The following CYP27C1 variants were observed in gnomAD, a reference collection of about 807,000 sequenced individuals.
CYP27C1 encodes the protein cytochrome P450 27C1.
In CYP27C1, 29 loss-of-function variants were observed where a neutral mutation model predicts 40.6. That is an observed-to-expected ratio of 0.71 (90% CI 0.53 to 0.97). CYP27C1 has a LOEUF of 0.97. CYP27C1 is among the 50% of genes least tolerant of loss of function. The pLI, the probability that CYP27C1 is intolerant of heterozygous loss-of-function variation, is 0.00. For synonymous variants in CYP27C1, 198 were observed against 186.8 expected (o/e 1.06, Z -0.49); for missense variants, 390 against 485.8 (o/e 0.80, Z 1.85).
rs1450670314 is a variant in CYP27C1 at position 127,219,003 on chromosome 2, C to A, written c.282+986G>T. On this transcript the variant is annotated intron_variant, in intron 1 of 8. Transcript: ENST00000664447. The surrounding 1 kb of genome is among the most constrained non-coding windows in gnomAD (Gnocchi z 8.7). The stretch of plus-strand genomic sequence containing the variant: ...CAACGCCCTAGCGGGTGGCTGGGAC[C>A]CCTGGGTTCCTCCCACGTCCCTGCC... Among the ~76,000 whole-genome samples the A allele has an allele frequency of 6.6e-6, 1 of 152,110 alleles. No individual in the cohort carries two copies. The highest frequency in any genetic ancestry group is 1.5e-5 in the Non-Finnish European group (1 of 67,986).
chr2:127,213,307 G>GA (rs58980874), intron 1 of CYP27C1, among the ~76,000 whole-genome samples: 73,743 of 143,030 alleles, frequency 0.52, 18,375 homozygotes, highest in East Asian at 0.67. Flanking sequence ...CACAGAATTA[G>GA]AAAAAAAAAA....
chr2:127,220,230 G>C lies in CYP27C1; in HGVS notation c.41C>G (p.Pro14Arg), dbSNP rs1316570065. The stretch of plus-strand genomic sequence containing the variant: ...CAGGAGCCCACCCCGCTCGGGCGCC[G>C]GCCGCAGCCCGGCTCTCAGGATCCG... ...LARILRAGLRPAPERGGLLGG... is the reference protein window; with the variant it reads ...LARILRAGLRRAPERGGLLGG... Residue 14 changes from proline to arginine, a missense_variant, in exon 1 of 9, where the codon CCG becomes CGG. Transcript: ENST00000664447. This position sits in a 1 kb window ranked among gnomAD's most constrained non-coding sequence, Gnocchi z 4.6. Among the ~76,000 whole-genome samples, 2 of 151,274 alleles carry C rather than the reference G, an allele frequency of 1.3e-5. No individual in the cohort carries two copies. Among genetic ancestry groups the C allele is most frequent in the African/African-American group, 4.8e-5 (2 of 41,326 alleles).
At position 127,193,861 on chromosome 2, in the gene CYP27C1, A is replaced by G. The variant is rs1389881990; in HGVS notation, c.1221T>C (p.Phe407=). 1.9e-6 allele frequency: 3 copies of G among 1,614,066 alleles called. No homozygotes were observed. Among genetic ancestry groups the G allele is most frequent in the Non-Finnish European group, 2.5e-6 (3 of 1,180,034 alleles). ...RALLKETLRL[F]PVLPGNGRVT... is the part of the protein sequence containing the mutation. Reference sequence around the variant, plus strand: ...CCCGGCCGTTCCCTGGCAGCACTGGAAACAGCCTGGAAAAGAGCCAGCGGG... The same window carrying G: ...CCCGGCCGTTCCCTGGCAGCACTGGGAACAGCCTGGAAAAGAGCCAGCGGG... The change falls in exon 7 of 9, where the codon TTT becomes TTC. Residue 407 remains phenylalanine (F), a synonymous_variant. Coordinates refer to ENST00000664447, the MANE Select transcript of CYP27C1 (RefSeq NM_001367502.1).
chr2:127,205,861 C>A, intron 2 of CYP27C1, 39 bp downstream of exon 2: 1 of 613,714 alleles, frequency 1.6e-6, no homozygotes, highest in Non-Finnish European at 2.0e-6. Context: ...CCTGAGCTCC[C>A]CCTCCAGCCC....
chr2:127,203,562 T>C lies in CYP27C1; in HGVS notation c.483A>G (p.Glu161=). The change falls in exon 3 of 9, where the codon GAA becomes GAG. Residue 161 remains glutamate, a synonymous_variant. Coordinates refer to ENST00000664447, the MANE Select transcript of CYP27C1 (RefSeq NM_001367502.1). ...ATACGCTTCTCATCTTGAGCCACTG[T>C]TCACCCTCCCTAGAAGAATCAAGTG... ...RATGLISAEG[E]QWLKMRSVLR... 3 of 1,613,450 alleles carry C rather than the reference T, an allele frequency of 1.9e-6. No individual in the cohort carries two copies. Among genetic ancestry groups the C allele is most frequent in the Non-Finnish European group, 2.5e-6 (3 of 1,179,888 alleles).
In CYP27C1 at chr2:127,218,092, T is replaced by A. The variant is rs1194943369; in HGVS notation, c.282+1897A>T. On this transcript the variant is annotated intron_variant, in intron 1 of 8. Coordinates refer to ENST00000664447, the MANE Select transcript of CYP27C1 (RefSeq NM_001367502.1). The surrounding 1 kb of genome is among the most constrained non-coding windows in gnomAD (Gnocchi z 6.0). ...CTGCTCCGTGCCCCAGGGCCCTGGG[T>A]GTGGTGAAGGAAGCTGTCTGAGCAG... Among the ~76,000 whole-genome samples the A allele has an allele frequency of 6.6e-6, 1 of 151,562 alleles. No homozygotes were observed. The highest frequency in any genetic ancestry group is 1.5e-5 in the Non-Finnish European group (1 of 67,900).
In CYP27C1 at chr2:127,195,253, G is replaced by A; in HGVS notation, c.1214+82C>T. On this transcript the variant is annotated intron_variant, in intron 6 of 8. Transcript: ENST00000664447. This position sits in a 1 kb window ranked among gnomAD's most constrained non-coding sequence, Gnocchi z 6.2. ...CTCATCCTGAACAGGTCAGCCGGGG[G>A]GGCATTTGGAGGACTTGTTGTGATA... 2 of 1,567,920 alleles carry A rather than the reference G, an allele frequency of 1.3e-6. No homozygotes were observed. Among genetic ancestry groups the A allele is most frequent in the Non-Finnish European group, 1.7e-6 (2 of 1,146,204 alleles).
rs545449558 is a variant in CYP27C1 at position 127,198,904 on chromosome 2, T to C, written c.1047+472A>G. Among the ~76,000 whole-genome samples the C allele has an allele frequency of 5.4e-4, 82 of 152,332 alleles. 1 individual carries two copies. The highest frequency in any genetic ancestry group is 2.0e-3 in the African/African-American group (82 of 41,570). On this transcript the variant is annotated intron_variant, in intron 5 of 8. Transcript: ENST00000664447. ...CATCATTAAGTGAGGCGTGACTGCA[T>C]ACACAGAGTTTTCTCCTCCTGGAGC... is the stretch of plus-strand genomic sequence containing the variant.
chr2:127,201,392 T>G lies in CYP27C1; in HGVS notation c.674-61A>C, dbSNP rs1474715943. The G allele has an allele frequency of 3.3e-6, 5 of 1,524,920 alleles. No homozygotes were observed. Among genetic ancestry groups the G allele is most frequent in the Non-Finnish European group, 4.5e-6 (5 of 1,117,486 alleles). 94.5% of individuals were successfully genotyped at this position (1,524,920 alleles called of 1,614,324 possible). ...GATTATTTACCATACCAACAGGCAA[T>G]GTTGGGCCATAAATGCAACTTTCAA... On this transcript the variant is annotated intron_variant, in intron 3 of 8. Transcript: ENST00000664447. The surrounding 1 kb of genome is among the most constrained non-coding windows in gnomAD (Gnocchi z 6.0).
intron 7 of CYP27C1, 104 bp downstream of exon 7, chr2:127,193,685 C>A (rs182577349): frequency 8.2e-7 from 1 of 1,220,984 alleles, no homozygotes; most frequent in Admixed American, 2.1e-5. Context: ...GAAAAGGAAA[C>A]CTATTGATCT....
In CYP27C1 at chr2:127,203,564, C is replaced by T. The variant is rs1421675995; in HGVS notation, c.481G>A (p.Glu161Lys). ...RATGLISAEG[E>K]QWLKMRSVLR... ...ACGCTTCTCATCTTGAGCCACTGTT[C>T]ACCCTCCCTAGAAGAATCAAGTGAG... The change falls in exon 3 of 9, where the codon GAA becomes AAA. Residue 161 changes from glutamate (E) to lysine (K), a missense_variant. Physicochemically the swap from Glu to Lys is moderately conservative, Grantham distance 56. Transcript: ENST00000664447. The T allele has an allele frequency of 1.2e-6, 2 of 1,613,238 alleles. No homozygotes were observed. Among genetic ancestry groups the T allele is most frequent in the Non-Finnish European group, 8.5e-7 (1 of 1,179,854 alleles).
At chr2:127,205,753 T>C (rs1291406410) in intron 2 of CYP27C1, 147 bp downstream of exon 2, 1 of 985,364 alleles carries the variant, frequency 1.0e-6, no homozygotes, top group Non-Finnish European at 1.2e-6. Flanking sequence ...GTCTGGGAGA[T>C]CGCACAAGGA....
At position 127,199,369 on chromosome 2, in the gene CYP27C1, G is replaced by A. The variant is rs777834697; in HGVS notation, c.1047+7C>T. On this transcript the variant is annotated splice_region_variant and intron_variant, in intron 5 of 8. Transcript: ENST00000664447. ...TTGCTTGCTGAGAACAGGACCCCCAGACTCACCGTGTCGACGCCGGCCAGC... is the reference window on the plus strand; with the variant it reads ...TTGCTTGCTGAGAACAGGACCCCCAAACTCACCGTGTCGACGCCGGCCAGC... 1.9e-6 allele frequency: 3 copies of A among 1,613,844 alleles called. No homozygotes were observed. The highest frequency in any genetic ancestry group is 1.7e-5 in the Admixed American group (1 of 60,004).
At chr2:127,203,019 T>A (rs1452773050) in intron 3 of CYP27C1, among the ~76,000 whole-genome samples, 1 of 151,968 alleles carries the variant, frequency 6.6e-6, no homozygotes, top group Non-Finnish European at 1.5e-5. Context: ...ATACAAAAAA[T>A]TAGCCGGGAG....
rs1573898699 is a variant in CYP27C1 at position 127,201,385 on chromosome 2, C to G, written c.674-54G>C. 6.4e-7 allele frequency: 1 copy of G among 1,555,076 alleles called. No homozygotes were observed. Among genetic ancestry groups the G allele is most frequent in the East Asian group, 2.3e-5 (1 of 44,214 alleles). On this transcript the variant is annotated intron_variant, in intron 3 of 8. Coordinates refer to ENST00000664447, the MANE Select transcript of CYP27C1 (RefSeq NM_001367502.1). The surrounding 1 kb of genome is among the most constrained non-coding windows in gnomAD (Gnocchi z 6.0). ...TCTTCTAGATTATTTACCATACCAA[C>G]AGGCAATGTTGGGCCATAAATGCAA...
chr2:127,191,179 G>A (rs919191344), intron 8 of CYP27C1, among the ~76,000 whole-genome samples: 12 of 152,000 alleles, frequency 7.9e-5, no homozygotes, highest in Admixed American at 5.9e-4. Flanking sequence ...CCCAGGAGGC[G>A]GAGGTTGCAG....
At position 127,185,254 on chromosome 2, in the gene CYP27C1, C is replaced by T. The variant is rs1166949653; in HGVS notation, c.*2017G>A. ...GGGTGGCGCCCTGCACTTCCTGCTA[C>T]ATCACACCAGGAGGCCCCCGTGTCT... On this transcript the variant is annotated 3_prime_UTR_variant, in exon 9 of 9. Transcript: ENST00000664447. This position sits in a 1 kb window ranked among gnomAD's most constrained non-coding sequence, Gnocchi z 4.9. 6.6e-6 allele frequency: 1 copy of T among 152,280 alleles called. No individual in the cohort carries two copies. Among genetic ancestry groups the T allele is most frequent in the African/African-American group, 2.4e-5 (1 of 41,452 alleles). 9.4% of individuals were successfully genotyped at this position (152,280 alleles called of 1,614,324 possible).
Position 127,219,153 on chromosome 2 carries a change from G to A in CYP27C1, c.282+836C>T, listed in dbSNP as rs558683348. 1.3e-5 allele frequency among the ~76,000 whole-genome samples: 2 copies of A among 152,162 alleles called. No homozygotes were observed. The highest frequency in any genetic ancestry group is 3.9e-4 in the East Asian group (2 of 5,160). ...ACAAAATACAAAAAGGACTAGAAAT[G>A]AATACACACGGTCTCGGCCACCTAA... On this transcript the variant is annotated intron_variant, in intron 1 of 8. Transcript: ENST00000664447. The surrounding 1 kb of genome is among the most constrained non-coding windows in gnomAD (Gnocchi z 8.7).
At chr2:127,204,504 GGAAA>G (rs1316766392) in intron 2 of CYP27C1, among the ~76,000 whole-genome samples, 1 of 57,030 alleles carries the variant, frequency 1.8e-5, no homozygotes, top group African/African-American at 5.9e-5. Flanking sequence ...AAGGAAGGAA[GGAAA>G]GAAAGAAGGA....
Sources: allele counts gnomAD v4.1 joint callset (sites outside exome capture counted in the v4.1 genomes callset), GRCh38; gene constraint gnomAD v4.1.1; non-coding constraint Gnocchi (gnomAD v3.1); transcripts MANE v1.5; gene names NCBI Gene and HGNC (gene_info 2026-07-23, HGNC 2026-07-21).